GABBR2: variants seen among roughly 807,000 people sequenced by gnomAD.
GABBR2 encodes the protein G-protein coupled receptor 51.
GABBR2 carries 23 observed loss-of-function variants against 105.6 expected under a neutral mutation model. The observed-to-expected ratio is 0.22, with a 90% CI of 0.16 to 0.31. GABBR2 has a LOEUF of 0.31. GABBR2 is among the 10% of genes least tolerant of loss of function. GABBR2 has a pLI of 1.00. For synonymous variants in GABBR2, 478 were observed against 499.7 expected (o/e 0.96, Z 0.58); for missense variants, 734 against 1,245.5 (o/e 0.59, Z 6.18).
intron 1 of GABBR2, among the ~76,000 whole-genome samples, chr9:98,635,610 C>A (rs1829864901): frequency 6.6e-6 from 1 of 152,072 alleles, no homozygotes; most frequent in Admixed American, 6.5e-5. Flanking sequence ...GGAATCAGGG[C>A]AGGCTTCTAG....
At chr9:98,463,351 A>G (rs932204578) in intron 6 of GABBR2, among the ~76,000 whole-genome samples, 4 of 152,220 alleles carry the variant, frequency 2.6e-5, no homozygotes, top group Non-Finnish European at 5.9e-5. Context: ...TAAAATCCCA[A>G]TAAAAACCAG....
At chr9:98,456,043 AG>A (rs1369582645) in intron 6 of GABBR2, among the ~76,000 whole-genome samples, 1 of 152,130 alleles carries the variant, frequency 6.6e-6, no homozygotes, top group African/African-American at 2.4e-5. Flanking sequence ...GGTTCCTCAA[AG>A]AGACCAGCAT....
At chr9:98,519,315 G>A (rs903369468) in intron 3 of GABBR2, among the ~76,000 whole-genome samples, 2 of 152,220 alleles carry the variant, frequency 1.3e-5, no homozygotes, top group African/African-American at 2.4e-5. Flanking sequence ...GTTTCAAGGG[G>A]GAGGCTTGAG....
chr9:98,328,273 G>A (rs571669877), intron 13 of GABBR2, among the ~76,000 whole-genome samples: 7 of 152,104 alleles, frequency 4.6e-5, no homozygotes, highest in East Asian at 2.0e-4. Flanking sequence ...GAGCTGTGAC[G>A]TGGAGAGAAA....
chr9:98,369,300 G>A (rs984344385), intron 12 of GABBR2, among the ~76,000 whole-genome samples: 3 of 152,154 alleles, frequency 2.0e-5, no homozygotes, highest in African/African-American at 4.8e-5. Context: ...AAGGTGGTTC[G>A]GGTGTGGGGC....
intron 1 of GABBR2, among the ~76,000 whole-genome samples, chr9:98,603,815 T>C (rs1464871029): frequency 6.6e-6 from 1 of 152,208 alleles, no homozygotes; most frequent in Non-Finnish European, 1.5e-5. Flanking sequence ...TTCTGGTTCT[T>C]ACTTCCCACT....
rs1825918798 is a variant in GABBR2 at position 98,436,365 on chromosome 9, A to ACACACAC, written c.1236+17615_1236+17616insGTGTGTG. ...ACACACACCATATATATATATATAT[A>ACACACAC]TATATATATATATATATATATATAT... is the stretch of plus-strand genomic sequence containing the variant. On this transcript the variant is annotated intron_variant, in intron 7 of 18. Coordinates refer to ENST00000259455, the MANE Select transcript of GABBR2 (RefSeq NM_005458.8). Among the ~76,000 whole-genome samples, 3 of 8,110 alleles carry ACACACAC rather than the reference A, an allele frequency of 3.7e-4. 1 individual carries two copies. The highest frequency in any genetic ancestry group is 9.3e-3 in the East Asian group (2 of 214). 5.3% of individuals were successfully genotyped at this position (8,110 alleles called of 152,430 possible).
intron 1 of GABBR2, among the ~76,000 whole-genome samples, chr9:98,618,514 C>G (rs200805540): frequency 6.9e-6 from 1 of 144,380 alleles, no homozygotes; most frequent in Non-Finnish European, 1.5e-5. Context: ...CTCTCTCTCT[C>G]TCTCTCTGTC....
chr9:98,664,833 A>G (rs999816269), intron 1 of GABBR2, among the ~76,000 whole-genome samples: 1 of 152,202 alleles, frequency 6.6e-6, no homozygotes, highest in African/African-American at 2.4e-5. Flanking sequence ...AAAGGAAAGA[A>G]CTAATTATTG....
chr9:98,556,725 C>T (rs1330164876), intron 2 of GABBR2, among the ~76,000 whole-genome samples: 1 of 152,132 alleles, frequency 6.6e-6, no homozygotes, highest in Admixed American at 6.5e-5. Context: ...TAAGTCCTGC[C>T]CTGACTAACT....
At chr9:98,668,649 C>T (rs1420409184) in intron 1 of GABBR2, among the ~76,000 whole-genome samples, 1 of 152,180 alleles carries the variant, frequency 6.6e-6, no homozygotes, top group Admixed American at 6.5e-5. Flanking sequence ...AACTAAGGCT[C>T]TATACCCATT....
chr9:98,342,010 G>A (rs935606070), intron 13 of GABBR2, among the ~76,000 whole-genome samples: 15 of 152,122 alleles, frequency 9.9e-5, no homozygotes, highest in African/African-American at 3.6e-4. Context: ...CTGGTGGTGG[G>A]TGCTGGGGAC....
chr9:98,473,496 C>A (rs1382973632), intron 5 of GABBR2, 150 bp from the exon 6 acceptor site: 2 of 604,838 alleles, frequency 3.3e-6, no homozygotes, highest in Non-Finnish European at 5.9e-6. Flanking sequence ...TGCTATTTAT[C>A]AAAGGATCCA....
chr9:98,560,295 TG>T (rs1272305968), intron 2 of GABBR2, among the ~76,000 whole-genome samples: 1 of 152,052 alleles, frequency 6.6e-6, no homozygotes, highest in Admixed American at 6.6e-5. Context: ...TGGAGAAAAA[TG>T]TGTAAAGAGA....
At chr9:98,541,023 G>A (rs965455329) in intron 3 of GABBR2, among the ~76,000 whole-genome samples, 1 of 152,128 alleles carries the variant, frequency 6.6e-6, no homozygotes, top group African/African-American at 2.4e-5. Context: ...GAAGTCTACT[G>A]CCAAGACGCA....
At chr9:98,567,316 G>A (rs1003189978) in intron 2 of GABBR2, among the ~76,000 whole-genome samples, 27 of 152,110 alleles carry the variant, frequency 1.8e-4, no homozygotes, top group Admixed American at 3.3e-4. Context: ...AAAGACATGG[G>A]GTATGTCCTT....
At chr9:98,580,168 C>T (rs1157679056) in intron 1 of GABBR2, among the ~76,000 whole-genome samples, 2 of 152,146 alleles carry the variant, frequency 1.3e-5, no homozygotes, top group East Asian at 3.9e-4. Context: ...AAGCATTTTC[C>T]TTCCCACCTC....
intron 3 of GABBR2, 118 bp downstream of exon 3, chr9:98,541,755 A>C: frequency 1.1e-6 from 1 of 877,954 alleles, no homozygotes; most frequent in South Asian, 1.7e-5. Context: ...GATCGCACTA[A>C]CCAACACATG....
intron 1 of GABBR2, among the ~76,000 whole-genome samples, chr9:98,612,497 T>G (rs999855477): frequency 6.6e-6 from 1 of 152,192 alleles, no homozygotes; most frequent in African/African-American, 2.4e-5. Context: ...CACAGTTATG[T>G]ACATTCTAAT....
Sources: gnomAD v4.1 joint callset for allele counts (sites outside exome capture counted in the v4.1 genomes callset) on GRCh38, gnomAD v4.1.1 for gene constraint, MANE v1.5 for transcripts, NCBI Gene and HGNC (gene_info 2026-07-23, HGNC 2026-07-21) for gene names.